EEFSEC: variants seen among roughly 807,000 people sequenced by gnomAD.
EEFSEC encodes the protein selenocysteine-specific elongation factor.
EEFSEC carries 43 observed loss-of-function variants against 42.1 expected under a neutral mutation model. That is an observed-to-expected ratio of 1.02 (90% CI 0.80 to 1.32). EEFSEC has a LOEUF of 1.32. Among genes scored for constraint, EEFSEC ranks in the 40% most tolerant of loss-of-function variants. EEFSEC has a pLI of 0.00. For missense variants in EEFSEC, 745 were observed against 803.6 expected (o/e 0.93, Z 0.88); for synonymous variants, 354 against 339.1 (o/e 1.04, Z -0.48).
intron 1 of EEFSEC, among the ~76,000 whole-genome samples, chr3:128,215,197 A>G (rs2065797116): frequency 6.6e-6 from 1 of 152,056 alleles, no homozygotes. Context: ...TATATGTCTT[A>G]TTTGAAGGTG....
intron 4 of EEFSEC, among the ~76,000 whole-genome samples, chr3:128,303,294 G>A (rs1026783514): frequency 1.3e-5 from 2 of 152,028 alleles, no homozygotes; most frequent in African/African-American, 2.4e-5. Context: ...GATAAATATT[G>A]CCTAATTTCC....
chr3:128,262,315 G>A (rs2066307245), intron 3 of EEFSEC, 91 bp downstream of exon 3: 1 of 1,194,864 alleles, frequency 8.4e-7, no homozygotes, highest in Non-Finnish European at 1.2e-6. Flanking sequence ...GAGAGAAAGA[G>A]AGGCAGCCCT....
chr3:128,153,564 C>G lies in EEFSEC; in HGVS notation c.57C>G (p.Gly19=). Residue 19 remains glycine, a synonymous_variant, in exon 1 of 7, where the codon GGC becomes GGG. Transcript: ENST00000254730. The stretch of plus-strand genomic sequence containing the variant: ...GCGTGCTGGGCCACATCGACAGCGG[C>G]AAGACGGCGCTGGCGCGGGCGCTAA... ...NVGVLGHIDS[G]KTALARALST... 1 of 1,537,064 alleles carries G rather than the reference C, an allele frequency of 6.5e-7. No individual in the cohort carries two copies.
chr3:128,349,411 G>T (rs181088641), intron 5 of EEFSEC, among the ~76,000 whole-genome samples: 1 of 152,340 alleles, frequency 6.6e-6, no homozygotes, highest in Admixed American at 6.5e-5. Context: ...TGGAGCCGCA[G>T]AGCTCAATGG....
At chr3:128,343,202 C>T (rs975353269) in intron 5 of EEFSEC, among the ~76,000 whole-genome samples, 3 of 152,192 alleles carry the variant, frequency 2.0e-5, no homozygotes, top group Non-Finnish European at 4.4e-5. Flanking sequence ...GGGCTTCCAT[C>T]GCCCACCCTC....
chr3:128,380,510 C>T (rs1441915521), intron 6 of EEFSEC, among the ~76,000 whole-genome samples: 4 of 152,186 alleles, frequency 2.6e-5, no homozygotes, highest in Admixed American at 6.5e-5. Flanking sequence ...ATGCTCTCTT[C>T]GGCTGGTGGC....
intron 4 of EEFSEC, among the ~76,000 whole-genome samples, chr3:128,327,273 C>T (rs1341662661): frequency 6.6e-6 from 1 of 151,346 alleles, no homozygotes; most frequent in Non-Finnish European, 1.5e-5. Flanking sequence ...GCCCTGGCAC[C>T]TCCCTGCACT....
intron 6 of EEFSEC, among the ~76,000 whole-genome samples, chr3:128,394,308 A>G (rs1254970150): frequency 6.6e-6 from 1 of 152,168 alleles, no homozygotes; most frequent in Non-Finnish European, 1.5e-5. Flanking sequence ...GAGGACAGCC[A>G]GCACCGCCGC....
chr3:128,244,181 C>T (rs2066102516), intron 1 of EEFSEC, among the ~76,000 whole-genome samples: 1 of 152,230 alleles, frequency 6.6e-6, no homozygotes, highest in South Asian at 2.1e-4. Flanking sequence ...TCCTTGTTCC[C>T]TGCTGGGCTT....
At chr3:128,220,109 G>A (rs898683358) in intron 1 of EEFSEC, among the ~76,000 whole-genome samples, 1 of 152,138 alleles carries the variant, frequency 6.6e-6, no homozygotes, top group Admixed American at 6.5e-5. Flanking sequence ...TACAACTCCT[G>A]GAGATGAGGG....
At chr3:128,424,925 A>G in the EEFSEC span, among the ~76,000 whole-genome samples, 4 of 152,134 alleles carry the variant, frequency 2.6e-5, no homozygotes, top group South Asian at 8.3e-4. Context: ...CTGCGGCGGA[A>G]GTGGTCTTTC....
chr3:128,250,390 T>TG (rs35811487), intron 2 of EEFSEC, among the ~76,000 whole-genome samples: 18,717 of 152,222 alleles, frequency 0.12, 1,464 homozygotes, highest in Middle Eastern at 0.19. Flanking sequence ...CTTTAGCTCT[T>TG]AAGTTTAGGT....
chr3:128,273,411 A>G (rs1447494672), intron 4 of EEFSEC, among the ~76,000 whole-genome samples: 1 of 151,966 alleles, frequency 6.6e-6, no homozygotes, highest in African/African-American at 2.4e-5. Flanking sequence ...TCAGAGATCA[A>G]TGCTCAGTGT....
chr3:128,265,215 A>G (rs2066342002), intron 4 of EEFSEC, among the ~76,000 whole-genome samples: 1 of 152,184 alleles, frequency 6.6e-6, no homozygotes, highest in Non-Finnish European at 1.5e-5. Flanking sequence ...TCTTAACCAC[A>G]GTAATTTCAA....
chr3:128,408,266 G>A lies in EEFSEC; in HGVS notation c.*7G>A, dbSNP rs374957337. 35 of 1,559,488 alleles carry A rather than the reference G, an allele frequency of 2.2e-5. No individual in the cohort carries two copies. Among genetic ancestry groups the A allele is most frequent in the Middle Eastern group, 1.7e-4 (1 of 5,874 alleles). ...CATGGTTCAGTCTCCCTGAGTGTCC[G>A]GTGACCTCCCCCAGGGCCTCCTTGC... is the stretch of plus-strand genomic sequence containing the variant. On this transcript the variant is annotated 3_prime_UTR_variant, in exon 7 of 7. Coordinates refer to ENST00000254730, the MANE Select transcript of EEFSEC (RefSeq NM_021937.5).
chr3:128,353,580 C>T (rs1007906311), intron 5 of EEFSEC, among the ~76,000 whole-genome samples: 2 of 152,212 alleles, frequency 1.3e-5, no homozygotes, highest in Non-Finnish European at 2.9e-5. Context: ...GCCCAGTGCC[C>T]CTGGGCCGGA....
Position 128,408,645 on chromosome 3 carries a change from T to C in EEFSEC, c.*386T>C, listed in dbSNP as rs1000289740. 4 of 175,770 alleles carry C rather than the reference T, an allele frequency of 2.3e-5. No homozygotes were observed. The East Asian group carries it at 5.9e-4, about 26-fold the overall frequency. The allele number at this position is 175,770 out of a possible 1,614,324, so 10.9% of individuals were successfully genotyped here. On this transcript the variant is annotated 3_prime_UTR_variant, in exon 7 of 7. Coordinates refer to ENST00000254730, the MANE Select transcript of EEFSEC (RefSeq NM_021937.5). ...AATGTCCCGTGGCCCCAGCCCACTC[T>C]ACTGGTGTCTCTCTCTCTGTGACTT...
intron 6 of EEFSEC, among the ~76,000 whole-genome samples, chr3:128,369,035 C>T (rs1309794172): frequency 6.6e-6 from 1 of 152,252 alleles, no homozygotes; most frequent in Non-Finnish European, 1.5e-5. Flanking sequence ...GGCACCAGGT[C>T]CTTAATGTGC....
chr3:128,263,587 A>G (rs2066320890), intron 3 of EEFSEC, among the ~76,000 whole-genome samples: 1 of 152,246 alleles, frequency 6.6e-6, no homozygotes, highest in African/African-American at 2.4e-5. Context: ...TCCTTTAAGA[A>G]GCCCCTACAT....
Sources: gnomAD v4.1 joint callset for allele counts (sites outside exome capture counted in the v4.1 genomes callset) on GRCh38, gnomAD v4.1.1 for gene constraint, MANE v1.5 for transcripts, NCBI Gene and HGNC (gene_info 2026-07-23, HGNC 2026-07-21) for gene names.